Variants in TRPV4 observed in about 807,000 individuals in gnomAD.
TRPV4 encodes the protein OSM9-like transient receptor potential channel 4.
In TRPV4, 58 loss-of-function variants were observed where a neutral mutation model predicts 84.1. The observed-to-expected ratio is 0.69, with a 90% confidence interval of 0.56 to 0.86. The LOEUF is 0.86. TRPV4 is among the 40% of genes least tolerant of loss of function. The pLI is 0.00. For synonymous variants in TRPV4, 489 were observed against 500.9 expected (o/e 0.98, Z 0.32); for missense variants, 879 against 1,181.1 (o/e 0.74, Z 3.75).
rs564957514 is a variant in TRPV4, at chr12:109,784,299, C to T, written c.2458+17G>A. The T allele has an allele frequency of 3.7e-6, 6 of 1,614,098 alleles. 1 individual carries two copies. In the East Asian group the frequency reaches 1.3e-4, roughly 36 times the overall value. On this transcript the variant is annotated intron_variant, in intron 15 of 15. Transcript: ENST00000261740. ...GAATGGACTGGGGCTCCCCTCCGCA[C>T]CCGCCCCTCCACTCACCCCTGCGGA...
At chr12:109,805,578 C>T (rs989108002) in intron 3 of TRPV4, among the ~76,000 whole-genome samples, 2 of 152,088 alleles carry the variant, frequency 1.3e-5, no homozygotes, top group Non-Finnish European at 2.9e-5. Flanking sequence ...CACAGGAGGG[C>T]GTCCCAGACT....
intron 12 of TRPV4, 40 bp downstream of exon 12, chr12:109,792,323 C>T (rs746893666): frequency 1.9e-5 from 31 of 1,593,188 alleles, no homozygotes; most frequent in Non-Finnish European, 2.6e-5. Flanking sequence ...CCCGTCCTTG[C>T]ACCACCCCTG....
Position 109,793,524 on chromosome 12 carries a change from C to A in TRPV4, c.1658+3G>T. On this transcript the variant is annotated splice_donor_region_variant and intron_variant, in intron 10 of 15. Transcript: ENST00000261740. This position sits in a 1 kb window ranked among gnomAD's most constrained non-coding sequence, Gnocchi z 4.0. ...AGCTGCCGGCCCAGGGACCTCTACTCACTAGAGCAGCTGGAAGGAGCCATC... is the reference window on the plus strand; with the variant it reads ...AGCTGCCGGCCCAGGGACCTCTACTAACTAGAGCAGCTGGAAGGAGCCATC... The A allele has an allele frequency of 6.2e-7, 1 of 1,613,684 alleles. No homozygotes were observed. Among genetic ancestry groups the A allele is most frequent in the Non-Finnish European group, 8.5e-7 (1 of 1,179,696 alleles).
chr12:109,808,423 G>T lies in TRPV4; in HGVS notation c.432C>A (p.Pro144=). ...SPKAPAPQPP[P]ILKVFNRPIL... is the part of the protein sequence containing the mutation. ...TAGGCCGGTTGAAGACTTTGAGGAT[G>T]GGGGGCGGCTGAGGGGCAGGGGCTT... Residue 144 remains proline, a synonymous_variant, in exon 3 of 16, where the codon CCC becomes CCA. Coordinates refer to ENST00000261740, the MANE Select transcript of TRPV4 (RefSeq NM_021625.5). 1.9e-6 allele frequency: 3 copies of T among 1,614,078 alleles called. No individual in the cohort carries two copies. The highest frequency in any genetic ancestry group is 2.5e-6 in the Non-Finnish European group (3 of 1,179,962).
rs1318320106 is a variant in TRPV4, at chr12:109,803,057, T to C, written c.646A>G (p.Ile216Val). 5 of 1,614,098 alleles carry C rather than the reference T, an allele frequency of 3.1e-6. No homozygotes were observed. Among genetic ancestry groups the C allele is most frequent in the Non-Finnish European group, 3.4e-6 (4 of 1,180,052 alleles). Residue 216 changes from isoleucine (I) to valine (V), a missense_variant, in exon 4 of 16, where the codon ATC (isoleucine) becomes GTC (valine). By Grantham distance (29) the Ile-to-Val change is conservative. This residue lies in a region of TRPV4 where 521 missense variants were observed against 686.6 expected (regional missense o/e 0.76). Transcript: ENST00000261740. Reference protein sequence around the residue: ...RNDTIPVLLDIAERTGNMREF... With the variant: ...RNDTIPVLLDVAERTGNMREF... ...CTCATGTTGCCGGTGCGCTCCGCGA[T>C]GTCCAGCAGCACAGGGATGGTGTCG...
intron 15 of TRPV4, 27 bp downstream of exon 15, chr12:109,784,289 C>G (rs762721256): frequency 1.2e-6 from 2 of 1,613,958 alleles, no homozygotes; most frequent in Admixed American, 3.3e-5. Context: ...GACTGGGGCT[C>G]CCCTCCGCAC....
In TRPV4 at chr12:109,793,632, TGGG is replaced by T. The variant is rs759653708; in HGVS notation, c.1585-35_1585-33del. On this transcript the variant is annotated intron_variant, in intron 9 of 15. Transcript: ENST00000261740. This position sits in a 1 kb window ranked among gnomAD's most constrained non-coding sequence, Gnocchi z 4.0. ...GACAGGAGGGGGCACGTGAAAGGGGTGGGGCCAGCAGGAGAGGAGAGGAGGAGA... is the reference window on the plus strand; with the variant it reads ...GACAGGAGGGGGCACGTGAAAGGGGTGCCAGCAGGAGAGGAGAGGAGGAGA... The T allele has an allele frequency of 1.3e-6, 2 of 1,581,472 alleles. No homozygotes were observed. Among genetic ancestry groups the T allele is most frequent in the Non-Finnish European group, 1.7e-6 (2 of 1,151,772 alleles).
intron 1 of TRPV4, among the ~76,000 whole-genome samples, chr12:109,830,373 C>T (rs1192758560): frequency 1.3e-5 from 2 of 152,202 alleles, no homozygotes; most frequent in Non-Finnish European, 2.9e-5. Flanking sequence ...GCTGAGGGTG[C>T]TTGACTCAGT....
intron 3 of TRPV4, among the ~76,000 whole-genome samples, chr12:109,803,503 T>C (rs554464217): frequency 2.6e-5 from 4 of 152,232 alleles, no homozygotes; most frequent in African/African-American, 7.2e-5. Context: ...CAGCCTGGGG[T>C]ATAGTTGTGC....
intron 2 of TRPV4, among the ~76,000 whole-genome samples, chr12:109,811,331 A>G (rs1891499389): frequency 6.6e-6 from 1 of 152,192 alleles, no homozygotes; most frequent in South Asian, 2.1e-4. Context: ...CCTCAGGGCC[A>G]ACCCCACTGA....
intron 1 of TRPV4, among the ~76,000 whole-genome samples, chr12:109,816,789 C>G (rs143879483): frequency 6.6e-6 from 1 of 152,256 alleles, no homozygotes; most frequent in Non-Finnish European, 1.5e-5. Flanking sequence ...AAATAAATAC[C>G]TCAGGTAAGT....
Position 109,805,854 on chromosome 12 carries a change from T to C in TRPV4, c.559+2442A>G, listed in dbSNP as rs892386265. ...CACATGCATCTGGGTTCCTGGACTATGCTAGAAGCCCCCAACTCAGTCCTG... is the reference window on the plus strand; with the variant it reads ...CACATGCATCTGGGTTCCTGGACTACGCTAGAAGCCCCCAACTCAGTCCTG... On this transcript the variant is annotated intron_variant, in intron 3 of 15. Coordinates refer to ENST00000261740, the MANE Select transcript of TRPV4 (RefSeq NM_021625.5). 2.0e-5 allele frequency among the ~76,000 whole-genome samples: 3 copies of C among 152,232 alleles called. No individual in the cohort carries two copies. In the East Asian group the frequency reaches 5.8e-4, roughly 29 times the overall value.
At chr12:109,811,611 T>C (rs1247556363) in intron 2 of TRPV4, among the ~76,000 whole-genome samples, 3 of 147,162 alleles carry the variant, frequency 2.0e-5, no homozygotes, top group African/African-American at 7.6e-5. Flanking sequence ...TAAGCCAAGA[T>C]AGCGCCACTG....
intron 1 of TRPV4, among the ~76,000 whole-genome samples, chr12:109,827,205 A>G (rs528438158): frequency 4.5e-4 from 68 of 152,256 alleles, no homozygotes; most frequent in Admixed American, 8.5e-4. Context: ...TCTGGCCTAT[A>G]AGACCAACAC....
intron 12 of TRPV4, among the ~76,000 whole-genome samples, chr12:109,789,071 G>A (rs1889880203): frequency 6.6e-6 from 1 of 152,182 alleles, no homozygotes; most frequent in Admixed American, 6.5e-5. Context: ...GACCTGCTCT[G>A]TTTCCAACCT....
chr12:109,808,594 G>A (rs1891294062), intron 2 of TRPV4, 126 bp from the exon 3 acceptor site: 11 of 837,282 alleles, frequency 1.3e-5, no homozygotes, highest in South Asian at 1.8e-5. Context: ...GGAACAGGGT[G>A]AGGTAGTTGG....
At chr12:109,791,276 G>A (rs959264899) in intron 12 of TRPV4, among the ~76,000 whole-genome samples, 1 of 151,952 alleles carries the variant, frequency 6.6e-6, no homozygotes, top group South Asian at 2.1e-4. Context: ...CCAGCTATTC[G>A]AGAGGCTGAG....
rs116685089 is a variant in TRPV4 at position 109,784,386 on chromosome 12, G to A, written c.2388C>T (p.Asn796=). The A allele has an allele frequency of 1.4e-4, 222 of 1,614,162 alleles. 1 individual carries two copies. The East Asian group carries it at 2.9e-3, about 21-fold the overall frequency. ...AGGTCTCATTCTTGCCCGGGTCCTC[G>A]TTGATGATGCCCAAGTTCTGGTTCC... is the stretch of plus-strand genomic sequence containing the variant. The part of the protein sequence containing the change: ...SHWNQNLGII[N]EDPGKNETYQ... Residue 796 remains asparagine, a synonymous_variant, in exon 15 of 16, where the codon AAC becomes AAT. Transcript: ENST00000261740.
intron 1 of TRPV4, among the ~76,000 whole-genome samples, chr12:109,820,683 G>C (rs546040296): frequency 6.6e-6 from 1 of 151,710 alleles, no homozygotes; most frequent in African/African-American, 2.4e-5. Context: ...CACCACGCCC[G>C]GCTAATTTTT....
Sources: allele counts gnomAD v4.1 joint callset (sites outside exome capture counted in the v4.1 genomes callset), GRCh38; gene constraint gnomAD v4.1.1; regional missense constraint gnomAD v4.1.1; non-coding constraint Gnocchi (gnomAD v3.1); transcripts MANE v1.5; gene names NCBI Gene and HGNC (gene_info 2026-07-23, HGNC 2026-07-21).